LRRIQ3: variants seen among roughly 807,000 people sequenced by gnomAD.
LRRIQ3 encodes leucine rich repeats and IQ motif containing 3, also known as leucine-rich repeat and IQ domain-containing protein 3.
A neutral mutation model predicts 59.3 loss-of-function variants in LRRIQ3; 75 were observed. The observed-to-expected ratio is 1.26, with a 90% CI of 1.05 to 1.53. The LOEUF (loss-of-function observed/expected upper bound fraction) is 1.53, where lower values mean the gene tolerates loss of function less well. LRRIQ3 is among the 40% of genes most tolerant of loss of function. The pLI is 0.00. For synonymous variants in LRRIQ3, 250 were observed against 231.3 expected (o/e 1.08, Z -0.73); for missense variants, 831 against 710.0 (o/e 1.17, Z -1.94).
intron 4 of LRRIQ3, among the ~76,000 whole-genome samples, chr1:74,131,281 A>G (rs1378053267): frequency 6.6e-6 from 1 of 152,158 alleles, no homozygotes; most frequent in Non-Finnish European, 1.5e-5. Context: ...TTCACAGCCG[A>G]ATTCTACTAG....
At chr1:74,116,488 A>T (rs774536546) in intron 4 of LRRIQ3, among the ~76,000 whole-genome samples, 1 of 152,094 alleles carries the variant, frequency 6.6e-6, no homozygotes, top group Non-Finnish European at 1.5e-5. Flanking sequence ...TCAGAAAAAA[A>T]ATTGAGATTT....
intron 6 of LRRIQ3, among the ~76,000 whole-genome samples, chr1:74,053,177 C>CAAAAAA (rs11403724): frequency 5.0e-5 from 5 of 100,946 alleles, no homozygotes; most frequent in East Asian, 5.6e-4. Flanking sequence ...CTCCACATGC[C>CAAAAAA]AAAAAAAAAA....
intron 4 of LRRIQ3, among the ~76,000 whole-genome samples, chr1:74,115,159 CTCTT>C (rs1211571388): frequency 1.3e-5 from 2 of 152,066 alleles, no homozygotes. Flanking sequence ...TATTTATTCA[CTCTT>C]TCATGAATTG....
intron 5 of LRRIQ3, among the ~76,000 whole-genome samples, chr1:74,091,053 A>G (rs145401059): frequency 1.3e-5 from 2 of 152,244 alleles, no homozygotes; most frequent in East Asian, 3.9e-4. Context: ...TTTTGTTCTG[A>G]TAAAATTTGC....
intron 6 of LRRIQ3, among the ~76,000 whole-genome samples, chr1:74,074,113 A>G (rs1353818143): frequency 6.6e-6 from 1 of 152,196 alleles, no homozygotes; most frequent in African/African-American, 2.4e-5. Context: ...ATAGCCATAC[A>G]GTAACAAAGC....
At chr1:74,148,957 C>A (rs967055777) in intron 4 of LRRIQ3, among the ~76,000 whole-genome samples, 7 of 152,038 alleles carry the variant, frequency 4.6e-5, no homozygotes. Context: ...GGGAGGAATG[C>A]CCATGGTGTT....
At chr1:74,154,181 C>CA (rs1648161887) in intron 4 of LRRIQ3, among the ~76,000 whole-genome samples, 1 of 132,008 alleles carries the variant, frequency 7.6e-6, no homozygotes, top group African/African-American at 2.9e-5. Flanking sequence ...TCAGAGGTTG[C>CA]AGCGAGCCGA....
chr1:74,027,868 T>A (rs1443045031), intron 7 of LRRIQ3, among the ~76,000 whole-genome samples: 1 of 152,022 alleles, frequency 6.6e-6, no homozygotes, highest in East Asian at 1.9e-4. Context: ...TGAGATATTA[T>A]GGTTCATCGT....
At chr1:74,173,429 GTTC>G (rs1467465675) in intron 3 of LRRIQ3, among the ~76,000 whole-genome samples, 4 of 151,164 alleles carry the variant, frequency 2.6e-5, no homozygotes, top group South Asian at 4.2e-4. Flanking sequence ...TAGTTCTCTT[GTTC>G]TTCTTCTCTT....
chr1:74,045,471 A>G (rs1654173671), intron 6 of LRRIQ3, among the ~76,000 whole-genome samples: 1 of 152,214 alleles, frequency 6.6e-6, no homozygotes, highest in African/African-American at 2.4e-5. Flanking sequence ...CAAAATAATA[A>G]GAGCTATTTA....
At chr1:74,187,008 T>C (rs1321071643) in intron 1 of LRRIQ3, among the ~76,000 whole-genome samples, 1 of 151,568 alleles carries the variant, frequency 6.6e-6, no homozygotes, top group Non-Finnish European at 1.5e-5. Flanking sequence ...CCTGCAAGAA[T>C]GGCCATAATT....
chr1:74,098,478 A>G (rs1348010474), intron 5 of LRRIQ3, among the ~76,000 whole-genome samples: 1 of 152,178 alleles, frequency 6.6e-6, no homozygotes, highest in Non-Finnish European at 1.5e-5. Flanking sequence ...CCCCACTGTC[A>G]ACATTAGGCA....
At chr1:74,128,459 T>A (rs1197223668) in intron 4 of LRRIQ3, among the ~76,000 whole-genome samples, 1 of 152,108 alleles carries the variant, frequency 6.6e-6, no homozygotes, top group Non-Finnish European at 1.5e-5. Flanking sequence ...TTATTCAATA[T>A]GTTTGCTAAA....
chr1:74,164,588 T>C (rs1171720379), intron 3 of LRRIQ3, among the ~76,000 whole-genome samples: 1 of 151,532 alleles, frequency 6.6e-6, no homozygotes. Context: ...AGTTTGCAAA[T>C]ACTTGCCCCA....
chr1:74,118,512 A>C (rs1646808882), intron 4 of LRRIQ3, among the ~76,000 whole-genome samples: 1 of 152,026 alleles, frequency 6.6e-6, no homozygotes, highest in African/African-American at 2.4e-5. Flanking sequence ...GAAATAAGAC[A>C]GTATCTCTCT....
rs201957808 is a variant in LRRIQ3 at position 74,182,697 on chromosome 1, T to C, written c.414A>G (p.Lys138=). Residue 138 remains lysine, a synonymous_variant, in exon 3 of 8, where the codon AAA becomes AAG. Transcript: ENST00000354431. ...TMFDCPVSLK[K]GYRHVLVNSI... is the part of the protein sequence containing the mutation. ...TGTTAACAAGAACATGTCTATATCC[T>C]TTTTTAAGGCTTACTGGACAATCAA... 12 of 1,612,228 alleles carry C rather than the reference T, an allele frequency of 7.4e-6. No homozygotes were observed. The African/African-American group carries it at 1.2e-4, about 16-fold the overall frequency.
At chr1:74,044,270 G>A (rs574227400) in intron 6 of LRRIQ3, among the ~76,000 whole-genome samples, 1 of 152,210 alleles carries the variant, frequency 6.6e-6, no homozygotes, top group African/African-American at 2.4e-5. Context: ...ATGTTGAAAT[G>A]CAATCCCCAA....
intron 4 of LRRIQ3, among the ~76,000 whole-genome samples, chr1:74,126,216 G>C (rs1191710490): frequency 6.6e-6 from 1 of 151,688 alleles, no homozygotes; most frequent in Non-Finnish European, 1.5e-5. Flanking sequence ...TATCATCTCT[G>C]ATTTTGCTGA....
At chr1:74,108,931 T>C in intron 5 of LRRIQ3, 1 of 392,666 alleles carries the variant, frequency 2.5e-6, no homozygotes, top group Middle Eastern at 3.5e-4. Context: ...TTGCAAAATG[T>C]CTAGCACAGT....
Sources: allele counts gnomAD v4.1 joint callset (sites outside exome capture counted in the v4.1 genomes callset), GRCh38; gene constraint gnomAD v4.1.1; transcripts MANE v1.5; gene names NCBI Gene and HGNC (gene_info 2026-07-23, HGNC 2026-07-21).